Variants in UTRN observed in about 807,000 individuals in gnomAD.
The protein encoded by UTRN is utrophin, also known as dystrophin-related protein 1.
A neutral mutation model predicts 463.9 loss-of-function variants in UTRN; 283 were observed. The observed-to-expected ratio is 0.61, with a 90% CI of 0.55 to 0.67. The LOEUF (loss-of-function observed/expected upper bound fraction) is 0.67, where lower values mean the gene tolerates loss of function less well. Among genes scored for constraint, UTRN ranks in the 30% least tolerant of loss-of-function variants. The probability of loss-of-function intolerance (pLI) is 0.00; values close to 1 mark genes in which losing one functional copy is unlikely to be tolerated. For synonymous variants in UTRN, 1,442 were observed against 1,431.5 expected (o/e 1.01, Z -0.17); for missense variants, 3,922 against 4,084.3 (o/e 0.96, Z 1.08).
At chr6:144,575,607 A>G (rs1801362009) in intron 50 of UTRN, among the ~76,000 whole-genome samples, 2 of 152,120 alleles carry the variant, frequency 1.3e-5, no homozygotes, top group African/African-American at 2.4e-5. Flanking sequence ...GTATATTGTT[A>G]TGATTGTTCT....
chr6:144,798,115 C>T (rs993212649), intron 64 of UTRN, 125 bp downstream of exon 64: 1 of 1,251,446 alleles, frequency 8.0e-7, no homozygotes, highest in African/African-American at 1.5e-5. Context: ...ATGGTATGTT[C>T]AGTATGTCTC....
At chr6:144,381,751 T>G (rs563631130) in intron 2 of UTRN, among the ~76,000 whole-genome samples, 2 of 152,344 alleles carry the variant, frequency 1.3e-5, no homozygotes, top group South Asian at 4.1e-4. Flanking sequence ...CCTTCCACCA[T>G]GATTGTGAGG....
intron 23 of UTRN, among the ~76,000 whole-genome samples, chr6:144,464,475 T>A (rs1029527997): frequency 6.6e-6 from 1 of 151,818 alleles, no homozygotes; most frequent in African/African-American, 2.4e-5. Flanking sequence ...GAAATGTGTT[T>A]TGTGTGGCTT....
rs551124562 is a variant in UTRN, at chr6:144,678,665, G to A, written c.7652+87G>A. ...TTGTATATCAGAAAGAGAAAGCGCA[G>A]CCTTACCACCACTTCTATTTCATCA... On this transcript the variant is annotated intron_variant, in intron 52 of 74. Transcript: ENST00000367545. 21 of 1,191,296 alleles carry A rather than the reference G, an allele frequency of 1.8e-5. No individual in the cohort carries two copies. In the African/African-American group the frequency reaches 1.8e-4, roughly 10 times the overall value. The allele number at this position is 1,191,296 out of a possible 1,614,324, so 73.8% of individuals were successfully genotyped here.
chr6:144,406,486 C>A (rs922601150), intron 3 of UTRN, among the ~76,000 whole-genome samples: 4 of 151,850 alleles, frequency 2.6e-5, no homozygotes, highest in Non-Finnish European at 5.9e-5. Flanking sequence ...CCTGCCTCAG[C>A]CTCCCTAGTA....
At chr6:144,839,061 C>G in intron 71 of UTRN, 112 bp from the exon 72 acceptor site, 4 of 769,836 alleles carry the variant, frequency 5.2e-6, no homozygotes, top group Non-Finnish European at 8.4e-6. Context: ...AAGGCAAAGA[C>G]TTCTATATGA....
intron 51 of UTRN, among the ~76,000 whole-genome samples, chr6:144,633,521 C>T (rs896606535): frequency 2.6e-5 from 4 of 152,174 alleles, no homozygotes; most frequent in Admixed American, 2.6e-4. Flanking sequence ...CGTGAGCCAC[C>T]GCGCCCGGCC....
At chr6:144,588,508 G>A (rs1037471879) in intron 51 of UTRN, among the ~76,000 whole-genome samples, 6 of 152,228 alleles carry the variant, frequency 3.9e-5, no homozygotes, top group Admixed American at 6.5e-5. Context: ...TGTATGTCTA[G>A]AAGTGTAATA....
chr6:144,680,994 G>A (rs936130022), intron 52 of UTRN, among the ~76,000 whole-genome samples: 3 of 152,186 alleles, frequency 2.0e-5, no homozygotes, highest in Non-Finnish European at 4.4e-5. Context: ...AGCCTTTTGA[G>A]TAACATGATT....
At position 144,453,875 on chromosome 6, in the gene UTRN, A is replaced by T; in HGVS notation, c.2284+6A>T. 4 of 1,610,932 alleles carry T rather than the reference A, an allele frequency of 2.5e-6. No individual in the cohort carries two copies. Among genetic ancestry groups the T allele is most frequent in the Non-Finnish European group, 3.4e-6 (4 of 1,177,950 alleles). Reference sequence around the variant, plus strand: ...TGTGGAGCAAATGGGAAAAGGTAAGATCCTTGATTTTTTTCCCCTATATTT... The same window carrying T: ...TGTGGAGCAAATGGGAAAAGGTAAGTTCCTTGATTTTTTTCCCCTATATTT... On this transcript the variant is annotated splice_donor_region_variant and intron_variant, in intron 19 of 74. Transcript: ENST00000367545.
chr6:144,286,849 C>A lies in UTRN; in HGVS notation c.-93+1028C>A, dbSNP rs960708799. ...CGGGTTCTAACTCCACGGCCCCGCT[C>A]TCTGAGGTGTTCAGGACAGGGCCTC... On this transcript the variant is annotated intron_variant, in intron 1 of 74. Transcript: ENST00000367545. This position sits in a 1 kb window ranked among gnomAD's most constrained non-coding sequence, Gnocchi z 4.4. Among the ~76,000 whole-genome samples, 1 of 152,150 alleles carries A rather than the reference C, an allele frequency of 6.6e-6. No homozygotes were observed. Among genetic ancestry groups the A allele is most frequent in the Non-Finnish European group, 1.5e-5 (1 of 68,014 alleles).
At chr6:144,374,368 A>G (rs1043723239) in intron 2 of UTRN, among the ~76,000 whole-genome samples, 1 of 152,120 alleles carries the variant, frequency 6.6e-6, no homozygotes, top group Non-Finnish European at 1.5e-5. Flanking sequence ...GATGCCCTGC[A>G]CGGTGGCTCA....
chr6:144,635,138 G>GT (rs149100143), intron 51 of UTRN, among the ~76,000 whole-genome samples: 11,881 of 103,010 alleles, frequency 0.12, 785 homozygotes, highest in Non-Finnish European at 0.13. Flanking sequence ...TTATTTGTGT[G>GT]TTTTTTTTTT....
At chr6:144,707,932 G>T (rs1224632090) in intron 53 of UTRN, among the ~76,000 whole-genome samples, 1 of 152,078 alleles carries the variant, frequency 6.6e-6, no homozygotes, top group Non-Finnish European at 1.5e-5. Flanking sequence ...AGGATACTCA[G>T]ATTTTAATAT....
intron 56 of UTRN, among the ~76,000 whole-genome samples, chr6:144,754,238 C>A (rs1264081548): frequency 6.6e-6 from 1 of 152,048 alleles, no homozygotes; most frequent in Non-Finnish European, 1.5e-5. Context: ...GTCACTGATC[C>A]CATGACCACA....
intron 34 of UTRN, among the ~76,000 whole-genome samples, chr6:144,501,940 T>C (rs1256475749): frequency 6.6e-6 from 1 of 152,158 alleles, no homozygotes. Context: ...ATAGCGCTGT[T>C]AAAAATACCG....
At chr6:144,406,739 A>G (rs1452156757) in intron 3 of UTRN, among the ~76,000 whole-genome samples, 3 of 152,136 alleles carry the variant, frequency 2.0e-5, no homozygotes, top group African/African-American at 2.4e-5. Flanking sequence ...TCTCTTCTGT[A>G]AGCTCTTTCG....
chr6:144,435,410 T>C (rs1786443052), intron 9 of UTRN, among the ~76,000 whole-genome samples: 1 of 152,208 alleles, frequency 6.6e-6, no homozygotes, highest in Non-Finnish European at 1.5e-5. Flanking sequence ...ATACAATCAG[T>C]ACAGCAGCCT....
chr6:144,846,885 A>C, intron 74 of UTRN, 58 bp downstream of exon 74: 1 of 1,599,394 alleles, frequency 6.3e-7, no homozygotes, highest in Non-Finnish European at 8.6e-7. Context: ...GAGTAAGCAG[A>C]TTATCCACGA....
Sources: gnomAD v4.1 joint callset for allele counts (sites outside exome capture counted in the v4.1 genomes callset) on GRCh38, gnomAD v4.1.1 for gene constraint, Gnocchi (gnomAD v3.1) non-coding constraint, MANE v1.5 for transcripts, NCBI Gene and HGNC (gene_info 2026-07-23, HGNC 2026-07-21) for gene names.